NPAS2: variants seen among roughly 807,000 people sequenced by gnomAD.
NPAS2 encodes the protein neuronal PAS domain protein 2, also known as neuronal PAS domain-containing protein 2.
Under a neutral mutation model 107.5 loss-of-function variants are expected in NPAS2, and 23 were observed. The observed-to-expected ratio is 0.21, with a 90% CI of 0.15 to 0.30. NPAS2 has a LOEUF of 0.30. Ranked by LOEUF, NPAS2 falls within the 10% of genes least tolerant of loss-of-function variation. The pLI is 1.00. For missense variants in NPAS2, 756 were observed against 1,043.3 expected, an observed-to-expected ratio of 0.72 and a Z score of 3.79; for synonymous variants, 403 against 417.5, an observed-to-expected ratio of 0.97 and a Z score of 0.42.
chr2:100,818,896 C>T (rs1246911723), upstream of NPAS2, among the ~76,000 whole-genome samples: 1 of 152,326 alleles, frequency 6.6e-6, no homozygotes. Flanking sequence ...GTGAACGCCG[C>T]CGCCCAGGTG....
At chr2:100,924,867 G>A (rs765011950) in intron 2 of NPAS2, among the ~76,000 whole-genome samples, 5 of 152,170 alleles carry the variant, frequency 3.3e-5, no homozygotes, top group Admixed American at 2.6e-4. Context: ...TATGAGATCC[G>A]AATGAGCAGC....
At chr2:100,966,389 G>A (rs962598085) in intron 10 of NPAS2, among the ~76,000 whole-genome samples, 2 of 152,100 alleles carry the variant, frequency 1.3e-5, no homozygotes, top group Admixed American at 6.5e-5. Context: ...TGGGACTTAC[G>A]ATGTGGGGGA....
chr2:100,838,060 C>T (rs1677174143), intron 1 of NPAS2, among the ~76,000 whole-genome samples: 1 of 152,146 alleles, frequency 6.6e-6, no homozygotes, highest in African/African-American at 2.4e-5. Context: ...CTTTCTTGCC[C>T]TACCTGTCTT....
intron 13 of NPAS2, 150 bp from the exon 14 acceptor site, chr2:100,975,308 G>T: frequency 1.4e-6 from 1 of 717,320 alleles, no homozygotes; most frequent in East Asian, 2.6e-5. Flanking sequence ...GGGCTTCTGT[G>T]GTTCAGCTCA....
intron 2 of NPAS2, 115 bp downstream of exon 2, chr2:100,904,901 C>A: frequency 1.4e-6 from 1 of 732,744 alleles, no homozygotes; most frequent in Non-Finnish European, 2.4e-6. Context: ...AGATAGGCAG[C>A]TGTAGGACAC....
At chr2:100,937,225 G>T (rs1317299522) in intron 4 of NPAS2, among the ~76,000 whole-genome samples, 2 of 152,092 alleles carry the variant, frequency 1.3e-5, no homozygotes, top group Non-Finnish European at 2.9e-5. Context: ...TTTACAAACA[G>T]TTCCTTCAGT....
chr2:100,837,533 G>A (rs1301208851), intron 1 of NPAS2, among the ~76,000 whole-genome samples: 3 of 151,962 alleles, frequency 2.0e-5, no homozygotes, highest in Non-Finnish European at 2.9e-5. Context: ...GGCTGATCTC[G>A]AACTCCTGAC....
chr2:100,827,782 C>T (rs910550213), intron 1 of NPAS2, among the ~76,000 whole-genome samples: 3 of 152,104 alleles, frequency 2.0e-5, no homozygotes, highest in African/African-American at 7.2e-5. Context: ...TTATCCAGTT[C>T]ACTGTTGATG....
chr2:100,944,153 C>T (rs1434641108), intron 5 of NPAS2, among the ~76,000 whole-genome samples: 1 of 152,124 alleles, frequency 6.6e-6, no homozygotes, highest in Non-Finnish European at 1.5e-5. Flanking sequence ...CTTCCTGGAC[C>T]TTTAGGGAGA....
intron 1 of NPAS2, among the ~76,000 whole-genome samples, chr2:100,848,134 G>A (rs1424292204): frequency 1.3e-5 from 2 of 152,148 alleles, no homozygotes; most frequent in Admixed American, 6.5e-5. Context: ...TGCATTGGGT[G>A]GGCCATTGTG....
intron 1 of NPAS2, among the ~76,000 whole-genome samples, chr2:100,896,292 A>G (rs1346846004): frequency 6.6e-6 from 1 of 152,224 alleles, no homozygotes; most frequent in Non-Finnish European, 1.5e-5. Context: ...GATTTAAATC[A>G]GACTGACTCT....
chr2:100,861,504 G>A (rs1034414890), intron 1 of NPAS2, among the ~76,000 whole-genome samples: 3 of 152,142 alleles, frequency 2.0e-5, no homozygotes, highest in Non-Finnish European at 4.4e-5. Flanking sequence ...GAGCCGCCTT[G>A]GACAGGGAAG....
At chr2:100,977,312 C>T (rs1374872713) in intron 14 of NPAS2, among the ~76,000 whole-genome samples, 2 of 152,228 alleles carry the variant, frequency 1.3e-5, no homozygotes, top group African/African-American at 2.4e-5. Flanking sequence ...CACAGCAGCT[C>T]ATGGTAGCAG....
intron 3 of NPAS2, among the ~76,000 whole-genome samples, chr2:100,928,910 A>G (rs1242358247): frequency 2.6e-5 from 4 of 152,096 alleles, no homozygotes; most frequent in African/African-American, 9.7e-5. Context: ...TCATGGCAGC[A>G]CTTTCTTTTG....
chr2:100,906,245 T>C (rs1682138983), intron 2 of NPAS2, among the ~76,000 whole-genome samples: 2 of 152,154 alleles, frequency 1.3e-5, no homozygotes, highest in Admixed American at 1.3e-4. Flanking sequence ...GGTTGCAAAA[T>C]CCACTTGGGT....
chr2:100,924,795 G>C (rs1683458335), intron 2 of NPAS2, among the ~76,000 whole-genome samples: 1 of 152,210 alleles, frequency 6.6e-6, no homozygotes, highest in South Asian at 2.1e-4. Context: ...CTTAGGAAGG[G>C]CTCTCCGAGC....
Position 100,995,983 on chromosome 2 carries a change from G to C in NPAS2, c.*401G>C. The stretch of plus-strand genomic sequence containing the variant: ...TCACGCTCTTGATCGTCTTTCCTTT[G>C]TATTGGAGAAGGACTGGGTCAGAGA... On this transcript the variant is annotated 3_prime_UTR_variant, in exon 21 of 21. Coordinates refer to ENST00000335681, the MANE Select transcript of NPAS2 (RefSeq NM_002518.4). 7.8e-7 allele frequency: 1 copy of C among 1,286,202 alleles called. No homozygotes were observed. The highest frequency in any genetic ancestry group is 1.0e-6 in the Non-Finnish European group (1 of 993,290). 79.7% of individuals were successfully genotyped at this position (1,286,202 alleles called of 1,614,324 possible).
intron 1 of NPAS2, among the ~76,000 whole-genome samples, chr2:100,886,835 C>T (rs769513521): frequency 4.5e-4 from 69 of 152,176 alleles, no homozygotes; most frequent in Non-Finnish European, 5.4e-4. Flanking sequence ...CAGCTCTTTC[C>T]TTCAGTTCTT....
rs563248977 is a variant in NPAS2, at chr2:100,890,176, G to A, written c.-22-14557G>A. Among the ~76,000 whole-genome samples the A allele has an allele frequency of 2.6e-5, 4 of 152,270 alleles. No homozygotes were observed. In the South Asian group the frequency reaches 8.3e-4, roughly 32 times the overall value. On this transcript the variant is annotated intron_variant, in intron 1 of 20. Coordinates refer to ENST00000335681, the MANE Select transcript of NPAS2 (RefSeq NM_002518.4). ...CAGCTAGCAAGGTCACGTCTCTGAG[G>A]GTTGTTAGGCCCCAGCCCTGGTATA...
Sources: allele counts gnomAD v4.1 joint callset (sites outside exome capture counted in the v4.1 genomes callset), GRCh38; gene constraint gnomAD v4.1.1; transcripts MANE v1.5; gene names NCBI Gene and HGNC (gene_info 2026-07-23, HGNC 2026-07-21).